Variants in AKT2 observed in about 807,000 individuals in gnomAD.
AKT2 encodes RAC-beta serine/threonine-protein kinase.
In AKT2, 16 loss-of-function variants were observed where a neutral mutation model predicts 58.6. That is an observed-to-expected ratio of 0.27 (90% CI 0.18 to 0.41). The LOEUF is 0.41. Ranked by LOEUF, AKT2 falls within the 10% of genes least tolerant of loss-of-function variation. The pLI is 1.00. For synonymous variants in AKT2, 253 were observed against 254.0 expected (o/e 1.00, Z 0.04); for missense variants, 438 against 661.0 (o/e 0.66, Z 3.70).
chr19:40,236,572 T>G, intron 9 of AKT2, 187 bp from the exon 10 acceptor site: 1 of 739,170 alleles, frequency 1.4e-6, no homozygotes, highest in African/African-American at 1.7e-5. Context: ...CCTCACCCTC[T>G]GGCCCACCCC....
intron 2 of AKT2, among the ~76,000 whole-genome samples, chr19:40,261,241 G>A (rs894448848): frequency 4.6e-5 from 7 of 152,182 alleles, no homozygotes; most frequent in Admixed American, 3.9e-4. Context: ...CCTTATAAAA[G>A]GACGAGTTCG....
chr19:40,252,935 T>C (rs1254241335), intron 4 of AKT2, among the ~76,000 whole-genome samples: 3 of 152,164 alleles, frequency 2.0e-5, no homozygotes, highest in South Asian at 2.1e-4. Flanking sequence ...CTTGAGATGG[T>C]AATTTTGTTC....
At chr19:40,257,824 G>A (rs1047647116) in intron 2 of AKT2, among the ~76,000 whole-genome samples, 2 of 152,128 alleles carry the variant, frequency 1.3e-5, no homozygotes. Context: ...AAAAAGAAAC[G>A]AAGTACTGAG....
chr19:40,250,362 G>A (rs910015152), intron 4 of AKT2, among the ~76,000 whole-genome samples: 15 of 152,228 alleles, frequency 9.9e-5, no homozygotes, highest in African/African-American at 3.6e-4. Flanking sequence ...AATGAGCTAG[G>A]CATGGTGGCG....
chr19:40,283,180 C>T (rs547423091), intron 1 of AKT2: 17 of 152,592 alleles, frequency 1.1e-4, no homozygotes, highest in African/African-American at 4.1e-4. Flanking sequence ...ATGCTGTTTT[C>T]TCATCTAAAA....
chr19:40,264,535 C>T (rs1281671848), intron 2 of AKT2, among the ~76,000 whole-genome samples: 1 of 152,104 alleles, frequency 6.6e-6, no homozygotes, highest in Non-Finnish European at 1.5e-5. Context: ...TCCCCCAGCT[C>T]GCCCTAGCTC....
chr19:40,275,877 G>A (rs953975977), intron 1 of AKT2, among the ~76,000 whole-genome samples: 2 of 150,922 alleles, frequency 1.3e-5, no homozygotes, highest in South Asian at 4.2e-4. Context: ...GCCAGGCGTG[G>A]TGGTAGGCGC....
At chr19:40,257,495 G>A (rs534574883) in intron 2 of AKT2, among the ~76,000 whole-genome samples, 13 of 152,120 alleles carry the variant, frequency 8.5e-5, no homozygotes, top group African/African-American at 3.1e-4. Flanking sequence ...TCTGTGCCAG[G>A]CAGGGTGGCA....
chr19:40,244,552 C>G (rs1439737588), intron 4 of AKT2: 1 of 152,186 alleles, frequency 6.6e-6, no homozygotes. Context: ...TTTTTGACCA[C>G]ACTGCAATTA....
chr19:40,284,365 C>G (rs1446364149), intron 1 of AKT2, among the ~76,000 whole-genome samples: 1 of 152,298 alleles, frequency 6.6e-6, no homozygotes, highest in Admixed American at 6.5e-5. Context: ...TCCTCCCTCC[C>G]CTATGGAAGG....
chr19:40,234,835 C>T lies in AKT2; in HGVS notation c.1366+210G>A. 1 of 655,922 alleles carries T rather than the reference C, an allele frequency of 1.5e-6. No individual in the cohort carries two copies. The highest frequency in any genetic ancestry group is 2.7e-5 in the East Asian group (1 of 36,870). The allele number at this position is 655,922 out of a possible 1,614,324, so 40.6% of individuals were successfully genotyped here. A position where few individuals can be genotyped will look rare whatever the true frequency, so the allele number is the denominator to read the frequency against. The stretch of plus-strand genomic sequence containing the variant: ...TCCTGCCCTGAGCCCCCCGACTGAG[C>T]TCCAGAACGTGCTGCAGTCAATGGC... On this transcript the variant is annotated intron_variant, in intron 13 of 13. Transcript: ENST00000392038. This position sits in a 1 kb window ranked among gnomAD's most constrained non-coding sequence, Gnocchi z 4.7.
chr19:40,258,283 A>G (rs1191966335), intron 2 of AKT2, among the ~76,000 whole-genome samples: 2 of 150,328 alleles, frequency 1.3e-5, no homozygotes, highest in African/African-American at 2.5e-5. Context: ...AAACCTGAGT[A>G]TGGTGATGGA....
At chr19:40,250,056 A>T (rs956278356) in intron 4 of AKT2, among the ~76,000 whole-genome samples, 1 of 152,214 alleles carries the variant, frequency 6.6e-6, no homozygotes, top group Non-Finnish European at 1.5e-5. Flanking sequence ...GCAAGGAGAC[A>T]CGTGGCTAAG....
intron 4 of AKT2, chr19:40,243,063 A>C: frequency 6.8e-6 from 2 of 292,590 alleles, no homozygotes; most frequent in Non-Finnish European, 1.4e-5. Flanking sequence ...AATTGCTTGA[A>C]CCCGGGAGGC....
At chr19:40,278,292 C>T (rs189124872) in intron 1 of AKT2, among the ~76,000 whole-genome samples, 3 of 152,198 alleles carry the variant, frequency 2.0e-5, no homozygotes, top group African/African-American at 7.2e-5. Context: ...TCTCTATGCC[C>T]GTTTCCTCCC....
Position 40,242,168 on chromosome 19 carries a change from G to C in AKT2, c.442-99C>G. 6.5e-7 allele frequency: 1 copy of C among 1,543,628 alleles called. No homozygotes were observed. The highest frequency in any genetic ancestry group is 1.1e-5 in the South Asian group (1 of 88,460). ...AAGAGGAAAACCAAAAGACACTGTTGCCAAACGGCTTAGGCTGGAGCAGGA... is the reference window on the plus strand; with the variant it reads ...AAGAGGAAAACCAAAAGACACTGTTCCCAAACGGCTTAGGCTGGAGCAGGA... On this transcript the variant is annotated intron_variant, in intron 5 of 13. Transcript: ENST00000392038. The surrounding 1 kb of genome is among the most constrained non-coding windows in gnomAD (Gnocchi z 4.3).
intron 1 of AKT2, among the ~76,000 whole-genome samples, chr19:40,269,956 C>A (rs73044515): frequency 6.6e-6 from 1 of 152,178 alleles, no homozygotes; most frequent in Non-Finnish European, 1.5e-5. Context: ...GGACCCTACG[C>A]GGCCTGCAAC....
rs754942500 is a variant in AKT2, at chr19:40,235,274, C to A, written c.1252G>T (p.Val418Phe). 1 of 1,614,010 alleles carries A rather than the reference C, an allele frequency of 6.2e-7. No homozygotes were observed. Among genetic ancestry groups the A allele is most frequent in the East Asian group, 2.2e-5 (1 of 44,856 alleles). Residue 418 changes from valine (V) to phenylalanine (F), a missense_variant, in exon 12 of 14, where the codon GTC (valine) becomes TTC (phenylalanine). By Grantham distance (50) the Val-to-Phe change is conservative. Around this residue, in one of 3 missense-constraint regions of AKT2, gnomAD observed 148 missense variants for 199.5 expected, o/e 0.74. Transcript: ENST00000392038. This position sits in a 1 kb window ranked among gnomAD's most constrained non-coding sequence, Gnocchi z 6.3. Reference protein sequence around the residue: ...FFLSINWQDVVQKKLLPPFKP... With the variant: ...FFLSINWQDVFQKKLLPPFKP... ...GCAGTGGGGCTCACCTTCTTCTGGA[C>A]CACGTCCTGCCAGTTGATGCTGAGG...
At position 40,237,705 on chromosome 19, in the gene AKT2, C is replaced by T. The variant is rs535027501; in HGVS notation, c.831+264G>A. 1.5e-5 allele frequency: 7 copies of T among 482,432 alleles called. No individual in the cohort carries two copies. The highest frequency in any genetic ancestry group is 3.8e-5 in the East Asian group (1 of 25,990). The allele number at this position is 482,432 out of a possible 1,614,324, so 29.9% of individuals were successfully genotyped here. ...TGACACTCCGCTAGTGGCCTAGGAG[C>T]GCTCATGGGAGGCTTGGGAAGGTCC... On this transcript the variant is annotated intron_variant, in intron 9 of 13. Coordinates refer to ENST00000392038, the MANE Select transcript of AKT2 (RefSeq NM_001626.6). This position sits in a 1 kb window ranked among gnomAD's most constrained non-coding sequence, Gnocchi z 4.5.
Sources: gnomAD v4.1 joint callset for allele counts (sites outside exome capture counted in the v4.1 genomes callset) on GRCh38, gnomAD v4.1.1 for gene constraint, gnomAD v4.1.1 regional missense constraint, Gnocchi (gnomAD v3.1) non-coding constraint, MANE v1.5 for transcripts, NCBI Gene and HGNC (gene_info 2026-07-23, HGNC 2026-07-21) for gene names.